CCSER1: variants seen among roughly 807,000 people sequenced by gnomAD.
CCSER1 encodes the protein coiled-coil serine rich protein 1, also known as serine-rich coiled-coil domain-containing protein 1.
Under a neutral mutation model 82.0 loss-of-function variants are expected in CCSER1, and 41 were observed. That is an observed-to-expected ratio of 0.50 (90% CI 0.39 to 0.65). The LOEUF (loss-of-function observed/expected upper bound fraction) is 0.65. CCSER1 is among the 30% of genes least tolerant of loss of function. The probability of loss-of-function intolerance (pLI) is 0.00; values close to 1 mark genes in which losing one functional copy is unlikely to be tolerated. For missense variants in CCSER1, 1,119 were observed against 1,064.2 expected, an observed-to-expected ratio of 1.05 and a Z score of -0.72; for synonymous variants, 414 against 383.9, an observed-to-expected ratio of 1.08 and a Z score of -0.92.
intron 3 of CCSER1, among the ~76,000 whole-genome samples, chr4:90,379,164 G>T (rs1461127953): frequency 2.0e-5 from 3 of 152,176 alleles, no homozygotes; most frequent in Non-Finnish European, 4.4e-5. Context: ...CAAAGTTTCA[G>T]TTGGGTCCGG....
At chr4:90,874,405 T>C (rs1325884453) in intron 8 of CCSER1, among the ~76,000 whole-genome samples, 1 of 150,614 alleles carries the variant, frequency 6.6e-6, no homozygotes, top group Non-Finnish European at 1.5e-5. Flanking sequence ...ATTTGTTATG[T>C]CTTTCAACTT....
rs377657175 is a variant in CCSER1, at chr4:90,964,431, A to C, written c.2172+40984A>C. 6.6e-5 allele frequency among the ~76,000 whole-genome samples: 10 copies of C among 152,034 alleles called. No individual in the cohort carries two copies. In the East Asian group the frequency reaches 9.6e-4, roughly 15 times the overall value. Reference sequence around the variant, plus strand: ...CATCTGAAAATCTGCTATTCCATAAAAGCAACAAGGATAGGCCAGGCGTGG... The same window carrying C: ...CATCTGAAAATCTGCTATTCCATAACAGCAACAAGGATAGGCCAGGCGTGG... On this transcript the variant is annotated intron_variant, in intron 9 of 10. Transcript: ENST00000509176.
chr4:91,188,317 G>A (rs1021509092), intron 10 of CCSER1, among the ~76,000 whole-genome samples: 9 of 152,158 alleles, frequency 5.9e-5, no homozygotes, highest in Admixed American at 3.9e-4. Context: ...GTTCATAGTA[G>A]TAGTCATTTT....
chr4:91,049,188 G>T (rs1325611519), intron 9 of CCSER1, among the ~76,000 whole-genome samples: 1 of 152,056 alleles, frequency 6.6e-6, no homozygotes, highest in Non-Finnish European at 1.5e-5. Flanking sequence ...GATATGTTTT[G>T]TTTATTCTAG....
At position 91,085,823 on chromosome 4, in the gene CCSER1, C is replaced by T. The variant is rs183840639; in HGVS notation, c.2173-127C>T. The stretch of plus-strand genomic sequence containing the variant: ...ACATACACACCCATGAGATAGTCAT[C>T]TATATTCAGATCTTCTTTGTTACGA... On this transcript the variant is annotated intron_variant, in intron 9 of 10. Transcript: ENST00000509176. The T allele has an allele frequency of 1.2e-5, 8 of 644,584 alleles. No individual in the cohort carries two copies. The South Asian group carries it at 1.5e-4, about 12-fold the overall frequency. The allele number at this position is 644,584 out of a possible 1,614,324, so 39.9% of individuals were successfully genotyped here. A position where few individuals can be genotyped will look rare whatever the true frequency, so the allele number is the denominator to read the frequency against.
intron 10 of CCSER1, among the ~76,000 whole-genome samples, chr4:91,438,714 C>T (rs1754868157): frequency 4.0e-5 from 2 of 50,576 alleles, no homozygotes; most frequent in South Asian, 1.3e-3. Context: ...AAACCAAAGA[C>T]AAAGAAGTAA....
chr4:91,489,823 C>A (rs905261932), intron 10 of CCSER1, among the ~76,000 whole-genome samples: 5 of 109,618 alleles, frequency 4.6e-5, no homozygotes, highest in African/African-American at 1.6e-4. Flanking sequence ...TAAAGGACTT[C>A]TTGGATGATG....
chr4:91,218,331 G>T (rs986743292), intron 10 of CCSER1, among the ~76,000 whole-genome samples: 4 of 152,162 alleles, frequency 2.6e-5, no homozygotes, highest in Non-Finnish European at 5.9e-5. Context: ...ACGCAGCCCC[G>T]GTTCCTGCTC....
chr4:90,932,128 ACT>A (rs1181074919), intron 9 of CCSER1, among the ~76,000 whole-genome samples: 1 of 152,066 alleles, frequency 6.6e-6, no homozygotes, highest in African/African-American at 2.4e-5. Flanking sequence ...AGGAAATTTT[ACT>A]CTTTTTTCAT....
chr4:91,121,523 T>A (rs1727088472), intron 10 of CCSER1, among the ~76,000 whole-genome samples: 1 of 151,692 alleles, frequency 6.6e-6, no homozygotes, highest in Non-Finnish European at 1.5e-5. Flanking sequence ...ATTGAGGTAA[T>A]GCCCAATGTA....
intron 9 of CCSER1, among the ~76,000 whole-genome samples, chr4:90,959,308 C>T (rs954962814): frequency 2.6e-4 from 40 of 152,124 alleles, no homozygotes; most frequent in African/African-American, 7.7e-4. Context: ...GTCAATAATA[C>T]GGGTTAATCA....
chr4:91,073,246 T>G (rs546267451), intron 9 of CCSER1, among the ~76,000 whole-genome samples: 6 of 152,192 alleles, frequency 3.9e-5, no homozygotes, highest in African/African-American at 1.4e-4. Context: ...TCCATAAAAT[T>G]TTCAAACATG....
intron 10 of CCSER1, among the ~76,000 whole-genome samples, chr4:91,342,416 T>C (rs1275720030): frequency 6.6e-6 from 1 of 152,192 alleles, no homozygotes; most frequent in Non-Finnish European, 1.5e-5. Context: ...ATGTAAAGAC[T>C]AAGTGCTAAT....
intron 10 of CCSER1, among the ~76,000 whole-genome samples, chr4:91,502,157 G>A (rs914543757): frequency 3.9e-5 from 6 of 152,142 alleles, no homozygotes; most frequent in Non-Finnish European, 7.3e-5. Context: ...CCAGGGCTTT[G>A]AGGAAAGCAT....
rs183408623 is a variant in CCSER1 at position 90,418,847 on chromosome 4, C to T, written c.1603+18718C>T. Among the ~76,000 whole-genome samples, 8 of 152,106 alleles carry T rather than the reference C, an allele frequency of 5.3e-5. No individual in the cohort carries two copies. In the East Asian group the frequency reaches 1.5e-3, roughly 29 times the overall value. Reference sequence around the variant, plus strand: ...TATTGAAGCATATACATTGTGCTGACCACTGGCCTGGGCACTTTGTTGTTT... The same window carrying T: ...TATTGAAGCATATACATTGTGCTGATCACTGGCCTGGGCACTTTGTTGTTT... On this transcript the variant is annotated intron_variant, in intron 4 of 10. Transcript: ENST00000509176.
At chr4:90,152,069 G>A (rs1726967434) in intron 1 of CCSER1, among the ~76,000 whole-genome samples, 1 of 152,076 alleles carries the variant, frequency 6.6e-6, no homozygotes, top group Admixed American at 6.6e-5. Flanking sequence ...AAATGTTTTT[G>A]ACTGCAAGTA....
chr4:90,533,277 A>G (rs905189023), intron 5 of CCSER1, among the ~76,000 whole-genome samples: 10 of 151,172 alleles, frequency 6.6e-5, no homozygotes, highest in African/African-American at 1.9e-4. Flanking sequence ...TTGTATTTTT[A>G]GTAGAGACGG....
At chr4:91,107,411 C>T (rs558213087) in intron 10 of CCSER1, among the ~76,000 whole-genome samples, 22 of 152,180 alleles carry the variant, frequency 1.4e-4, no homozygotes, top group Middle Eastern at 3.4e-3. Context: ...CATGCTACCA[C>T]GCCTGGCTAA....
chr4:91,340,624 T>A (rs1747660122), intron 10 of CCSER1, among the ~76,000 whole-genome samples: 1 of 152,222 alleles, frequency 6.6e-6, no homozygotes, highest in African/African-American at 2.4e-5. Context: ...GGTGAAGTTA[T>A]ACATGCTATC....
Sources: allele counts gnomAD v4.1 joint callset (sites outside exome capture counted in the v4.1 genomes callset), GRCh38; gene constraint gnomAD v4.1.1; transcripts MANE v1.5; gene names NCBI Gene and HGNC (gene_info 2026-07-23, HGNC 2026-07-21).